The following PIK3R3 variants were observed in gnomAD, a reference collection of about 807,000 sequenced individuals.
PIK3R3 encodes the protein phosphatidylinositol 3-kinase regulatory subunit gamma.
In PIK3R3, 64 loss-of-function variants were observed where a neutral mutation model predicts 62.9. The ratio of observed to expected loss-of-function variants is 1.02; its 90% CI spans 0.83 to 1.25. PIK3R3 has a LOEUF of 1.25. Ranked by LOEUF, PIK3R3 falls within the 50% of genes most tolerant of loss-of-function variation. The pLI is 0.00. For synonymous variants in PIK3R3, 165 were observed against 189.0 expected, an observed-to-expected ratio of 0.87 and a Z score of 1.04; for missense variants, 614 against 561.6, an observed-to-expected ratio of 1.09 and a Z score of -0.94.
intron 7 of PIK3R3, among the ~76,000 whole-genome samples, chr1:46,055,108 T>G (rs1250520932): frequency 7.5e-6 from 1 of 134,000 alleles, no homozygotes; most frequent in East Asian, 2.1e-4. Context: ...TTCACCATCT[T>G]TTTTTTTTTT....
the PIK3R3 span, among the ~76,000 whole-genome samples, chr1:46,164,879 G>A: frequency 3.9e-5 from 6 of 152,024 alleles, no homozygotes; most frequent in African/African-American, 1.4e-4. Flanking sequence ...GTGTGTTCCA[G>A]GCTGGAGTGC....
intron 1 of PIK3R3, among the ~76,000 whole-genome samples, chr1:46,095,067 T>C (rs1169148401): frequency 1.3e-5 from 2 of 152,132 alleles, no homozygotes; most frequent in African/African-American, 4.8e-5. Context: ...ACAACTAGAG[T>C]GTGGCGATTC....
chr1:46,148,072 G>T, the PIK3R3 span, among the ~76,000 whole-genome samples: 9 of 152,194 alleles, frequency 5.9e-5, no homozygotes, highest in African/African-American at 2.2e-4. Flanking sequence ...CTAATTTTCA[G>T]TGATGGAGAG....
chr1:46,128,636 C>T (rs1029397602), intron 1 of PIK3R3, among the ~76,000 whole-genome samples: 2 of 152,166 alleles, frequency 1.3e-5, no homozygotes, highest in Admixed American at 1.3e-4. Context: ...ACTAATTAAA[C>T]ATATACTGAC....
the PIK3R3 span, among the ~76,000 whole-genome samples, chr1:46,159,738 TACACACAC>T: frequency 1.5e-4 from 22 of 148,118 alleles, no homozygotes; most frequent in South Asian, 4.5e-3. Flanking sequence ...ATGAGTACCA[TACACACAC>T]ACACACACAC....
chr1:46,135,124 G>C (rs1038590397), upstream of PIK3R3, among the ~76,000 whole-genome samples: 1 of 152,222 alleles, frequency 6.6e-6, no homozygotes, highest in Non-Finnish European at 1.5e-5. Flanking sequence ...CTTTCTTTCA[G>C]TTGAGAAATA....
intron 7 of PIK3R3, among the ~76,000 whole-genome samples, chr1:46,055,357 A>G (rs1018317143): frequency 4.6e-5 from 7 of 152,108 alleles, no homozygotes; most frequent in African/African-American, 9.7e-5. Context: ...TGATCTGCCT[A>G]CCTCGGCCTC....
chr1:46,045,872 T>C (rs534482525), intron 9 of PIK3R3, 46 bp downstream of exon 9: 18 of 1,512,636 alleles, frequency 1.2e-5, no homozygotes, highest in East Asian at 9.0e-5. Flanking sequence ...TTTATAATAA[T>C]TGATGCAAAA....
chr1:46,042,638 T>TATA lies in PIK3R3; in HGVS notation c.*1032_*1034dup, dbSNP rs1033467497. On this transcript the variant is annotated 3_prime_UTR_variant, in exon 10 of 10. Coordinates refer to ENST00000262741, the MANE Select transcript of PIK3R3 (RefSeq NM_003629.4). The surrounding 1 kb of genome is among the most constrained non-coding windows in gnomAD (Gnocchi z 4.3). ...GGGCCTTTAAACTTGGGGAAGCACA[T>TATA]ATAATAATGTTGTTCTATATTGTTA... 4.5e-6 allele frequency: 1 copy of TATA among 221,874 alleles called. No individual in the cohort carries two copies. Among genetic ancestry groups the TATA allele is most frequent in the Non-Finnish European group, 9.0e-6 (1 of 110,782 alleles). 13.7% of individuals were successfully genotyped at this position (221,874 alleles called of 1,614,324 possible).
chr1:46,107,672 T>C (rs539664633), intron 1 of PIK3R3, among the ~76,000 whole-genome samples: 1 of 152,312 alleles, frequency 6.6e-6, no homozygotes, highest in African/African-American at 2.4e-5. Flanking sequence ...TATGATTATC[T>C]CCAAAGTCTT....
chr1:46,116,961 T>C (rs954534194), intron 1 of PIK3R3, among the ~76,000 whole-genome samples: 1 of 152,138 alleles, frequency 6.6e-6, no homozygotes, highest in African/African-American at 2.4e-5. Context: ...TTAAACATTA[T>C]GCCAAAAAGA....
At position 46,042,349 on chromosome 1, in the gene PIK3R3, A is replaced by G. The variant is rs867699175; in HGVS notation, c.*1324T>C. ...CAGGATCACAAAAAAAGGCAAAGAG[A>G]AAAGCTTCCAGATGGCTTCTACTAA... On this transcript the variant is annotated 3_prime_UTR_variant, in exon 10 of 10. Coordinates refer to ENST00000262741, the MANE Select transcript of PIK3R3 (RefSeq NM_003629.4). The surrounding 1 kb of genome is among the most constrained non-coding windows in gnomAD (Gnocchi z 4.3). 3.5e-5 allele frequency: 8 copies of G among 229,314 alleles called. No homozygotes were observed. The highest frequency in any genetic ancestry group is 3.6e-4 in the South Asian group (2 of 5,506). The allele number at this position is 229,314 out of a possible 1,614,324, so 14.2% of individuals were successfully genotyped here.
At chr1:46,083,926 C>G (rs1369343428) in intron 1 of PIK3R3, among the ~76,000 whole-genome samples, 1 of 151,856 alleles carries the variant, frequency 6.6e-6, no homozygotes, top group Admixed American at 6.6e-5. Flanking sequence ...TACATATACC[C>G]AAGAAAAAAG....
At chr1:46,047,773 T>TTTGG (rs1050403281) in intron 7 of PIK3R3, among the ~76,000 whole-genome samples, 1 of 136,668 alleles carries the variant, frequency 7.3e-6, no homozygotes, top group Middle Eastern at 3.8e-3. Context: ...TTTTTGTTTG[T>TTTGG]TTGGTTGGTT....
the PIK3R3 span, among the ~76,000 whole-genome samples, chr1:46,155,549 G>T: frequency 6.6e-6 from 1 of 151,902 alleles, no homozygotes; most frequent in Non-Finnish European, 1.5e-5. Context: ...CAAAGCTCAG[G>T]TGATCCTCCC....
chr1:46,143,525 C>T, the PIK3R3 span, among the ~76,000 whole-genome samples: 3 of 152,034 alleles, frequency 2.0e-5, no homozygotes, highest in East Asian at 5.8e-4. Context: ...CTCACTGCAG[C>T]CTCGACCTTG....
intron 3 of PIK3R3, among the ~76,000 whole-genome samples, chr1:46,073,633 T>A (rs1370781077): frequency 6.6e-6 from 1 of 152,072 alleles, no homozygotes; most frequent in Non-Finnish European, 1.5e-5. Flanking sequence ...CTTTCTTTTT[T>A]CTTTGAGATG....
At chr1:46,059,630 A>C (rs1648279632) in intron 6 of PIK3R3, among the ~76,000 whole-genome samples, 2 of 151,656 alleles carry the variant, frequency 1.3e-5, no homozygotes, top group South Asian at 4.2e-4. Context: ...CATCTCTACA[A>C]AAAGATTTTT....
In PIK3R3 at chr1:46,083,696, C is replaced by T. The variant is rs535358678; in HGVS notation, c.107-2946G>A. ...ATGAAAAGATACTGAACATAATCAG[C>T]CAACAGAGAAATGCACATCAAAACC... On this transcript the variant is annotated intron_variant, in intron 1 of 9. Coordinates refer to ENST00000262741, the MANE Select transcript of PIK3R3 (RefSeq NM_003629.4). Among the ~76,000 whole-genome samples, 4 of 152,146 alleles carry T rather than the reference C, an allele frequency of 2.6e-5. No individual in the cohort carries two copies. In the South Asian group the frequency reaches 8.3e-4, roughly 32 times the overall value.
Sources: allele counts gnomAD v4.1 joint callset (sites outside exome capture counted in the v4.1 genomes callset), GRCh38; gene constraint gnomAD v4.1.1; non-coding constraint Gnocchi (gnomAD v3.1); transcripts MANE v1.5; gene names NCBI Gene and HGNC (gene_info 2026-07-23, HGNC 2026-07-21).